DCUN1D1: variants seen among roughly 807,000 people sequenced by gnomAD.
DCUN1D1 encodes defective in cullin neddylation 1 domain containing 1.
DCUN1D1 carries 3 observed loss-of-function variants against 39.0 expected under a neutral mutation model. The observed-to-expected ratio is 0.08, with a 90% CI of 0.04 to 0.20. The LOEUF (loss-of-function observed/expected upper bound fraction) is 0.20, where lower values mean the gene tolerates loss of function less well. Among genes scored for constraint, DCUN1D1 ranks in the 10% least tolerant of loss-of-function variants. DCUN1D1 has a pLI of 1.00. For synonymous variants in DCUN1D1, 82 were observed against 96.3 expected, an observed-to-expected ratio of 0.85 and a Z score of 0.87; for missense variants, 158 against 302.4, an observed-to-expected ratio of 0.52 and a Z score of 3.54.
Position 182,945,023 on chromosome 3 carries a change from G to T in DCUN1D1, c.*71C>A. 1 of 1,339,568 alleles carries T rather than the reference G, an allele frequency of 7.5e-7. No homozygotes were observed. The highest frequency in any genetic ancestry group is 1.1e-6 in the Non-Finnish European group (1 of 938,964). The allele number at this position is 1,339,568 out of a possible 1,614,324, so 83.0% of individuals were successfully genotyped here. A position where few individuals can be genotyped will look rare whatever the true frequency, so the allele number is the denominator to read the frequency against. ...GATCTTCAGTTCAGTCCAGCCAGCA[G>T]AAATTGACTGTGCAATTTTCTGTTG... On this transcript the variant is annotated 3_prime_UTR_variant, in exon 7 of 7. Coordinates refer to ENST00000292782, the MANE Select transcript of DCUN1D1 (RefSeq NM_020640.4).
At chr3:182,959,503 A>AAG (rs1727267502) in intron 4 of DCUN1D1, among the ~76,000 whole-genome samples, 2 of 143,664 alleles carry the variant, frequency 1.4e-5, no homozygotes, top group African/African-American at 2.7e-5. Context: ...TCAAAAACCA[A>AAG]AAAAAAAAAA....
intron 1 of DCUN1D1, among the ~76,000 whole-genome samples, chr3:182,972,158 C>A (rs1468296464): frequency 6.8e-6 from 1 of 147,110 alleles, no homozygotes; most frequent in East Asian, 2.0e-4. Flanking sequence ...ATTTATAGTC[C>A]TGTCAGTCTA....
chr3:182,952,328 C>T (rs1244049172), intron 4 of DCUN1D1, among the ~76,000 whole-genome samples: 1 of 152,188 alleles, frequency 6.6e-6, no homozygotes, highest in Non-Finnish European at 1.5e-5. Context: ...TGTTTTGTAA[C>T]AACGTGTGTC....
intron 1 of DCUN1D1, among the ~76,000 whole-genome samples, chr3:182,973,003 T>C (rs183947024): frequency 6.6e-5 from 10 of 152,020 alleles, no homozygotes; most frequent in East Asian, 3.9e-4. Flanking sequence ...GATCACACCA[T>C]TGCGCTCCAA....
At chr3:182,956,864 G>A (rs79826907) in intron 4 of DCUN1D1, among the ~76,000 whole-genome samples, 4 of 152,064 alleles carry the variant, frequency 2.6e-5, no homozygotes, top group East Asian at 1.9e-4. Flanking sequence ...ACAGACCCAC[G>A]GTGTTCTATA....
chr3:182,972,195 T>C (rs1015034087), intron 1 of DCUN1D1, among the ~76,000 whole-genome samples: 2 of 151,510 alleles, frequency 1.3e-5, no homozygotes, highest in East Asian at 1.9e-4. Flanking sequence ...CTATAATCTA[T>C]AGTTTTAAAT....
chr3:182,966,854 C>A (rs1308292002), intron 1 of DCUN1D1, among the ~76,000 whole-genome samples: 1 of 152,198 alleles, frequency 6.6e-6, no homozygotes, highest in Non-Finnish European at 1.5e-5. Flanking sequence ...CGCCTGTAAT[C>A]CCAGCACCTT....
intron 6 of DCUN1D1, among the ~76,000 whole-genome samples, chr3:182,946,788 T>C (rs960718323): frequency 2.0e-5 from 3 of 152,062 alleles, no homozygotes. Context: ...TTGGTAAATG[T>C]ATGAAGGTAT....
At chr3:182,955,165 C>T (rs990992228) in intron 4 of DCUN1D1, among the ~76,000 whole-genome samples, 5 of 151,948 alleles carry the variant, frequency 3.3e-5, no homozygotes, top group Admixed American at 6.6e-5. Flanking sequence ...CTCAGCCTTC[C>T]GAGTAGCTAG....
intron 1 of DCUN1D1, among the ~76,000 whole-genome samples, chr3:182,969,284 T>C (rs1727820833): frequency 1.3e-5 from 2 of 152,220 alleles, no homozygotes; most frequent in African/African-American, 4.8e-5. Flanking sequence ...CCCATCCCCT[T>C]TTCCTAAGCC....
chr3:182,960,240 C>T (rs766460114), intron 4 of DCUN1D1, among the ~76,000 whole-genome samples: 4 of 151,854 alleles, frequency 2.6e-5, no homozygotes, highest in Non-Finnish European at 5.9e-5. Context: ...TTCATTGGGT[C>T]CCCATTTCCC....
intron 1 of DCUN1D1, among the ~76,000 whole-genome samples, chr3:182,979,048 A>T (rs960096294): frequency 6.6e-6 from 1 of 152,238 alleles, no homozygotes; most frequent in Non-Finnish European, 1.5e-5. Flanking sequence ...AAATGCTAAG[A>T]GTCTGGAAAC....
chr3:182,978,055 AAC>A (rs1728332369), intron 1 of DCUN1D1, among the ~76,000 whole-genome samples: 1 of 112,828 alleles, frequency 8.9e-6, no homozygotes, highest in African/African-American at 2.8e-5. Flanking sequence ...AAAAAAAAAC[AAC>A]AACAACAAAA....
chr3:182,943,820 T>C lies in DCUN1D1; in HGVS notation c.*1274A>G, dbSNP rs1362978966. Reference sequence around the variant, plus strand: ...TGTAATGAAAAAAATACATACAAGATAGCATTCTGCTTTGATGAGAAAACT... The same window carrying C: ...TGTAATGAAAAAAATACATACAAGACAGCATTCTGCTTTGATGAGAAAACT... On this transcript the variant is annotated 3_prime_UTR_variant, in exon 7 of 7. Coordinates refer to ENST00000292782, the MANE Select transcript of DCUN1D1 (RefSeq NM_020640.4). 2 of 152,568 alleles carry C rather than the reference T, an allele frequency of 1.3e-5. No homozygotes were observed. The highest frequency in any genetic ancestry group is 4.8e-5 in the African/African-American group (2 of 41,438). The allele number at this position is 152,568 out of a possible 1,614,324, so 9.5% of individuals were successfully genotyped here. A position where few individuals can be genotyped will look rare whatever the true frequency, so the allele number is the denominator to read the frequency against.
chr3:182,956,552 T>C (rs1054402949), intron 4 of DCUN1D1, among the ~76,000 whole-genome samples: 1 of 152,242 alleles, frequency 6.6e-6, no homozygotes, highest in Non-Finnish European at 1.5e-5. Flanking sequence ...GAAGATAATA[T>C]GCTTTTACTT....
intron 6 of DCUN1D1, among the ~76,000 whole-genome samples, chr3:182,945,958 A>G (rs1178741088): frequency 6.6e-6 from 1 of 152,194 alleles, no homozygotes; most frequent in Non-Finnish European, 1.5e-5. Flanking sequence ...AAGAAAAGAA[A>G]TAACATCATC....
chr3:182,972,413 T>C (rs1023411554), intron 1 of DCUN1D1, among the ~76,000 whole-genome samples: 2 of 152,196 alleles, frequency 1.3e-5, no homozygotes, highest in African/African-American at 2.4e-5. Context: ...TAATTGCTTA[T>C]GGATAACGAT....
intron 4 of DCUN1D1, among the ~76,000 whole-genome samples, chr3:182,958,142 T>C (rs771549561): frequency 9.9e-5 from 15 of 152,036 alleles, no homozygotes; most frequent in Non-Finnish European, 1.5e-4. Context: ...AGAAAGGCTG[T>C]TATAAAAAAC....
At chr3:182,984,140 C>T (rs75508223), upstream of DCUN1D1, among the ~76,000 whole-genome samples, 4,182 of 152,258 alleles carry the variant, frequency 0.027, 209 homozygotes, top group African/African-American at 0.096. Flanking sequence ...TGTCTTAAGA[C>T]AGTGCCTATA....
Sources: allele counts gnomAD v4.1 joint callset (sites outside exome capture counted in the v4.1 genomes callset), GRCh38; gene constraint gnomAD v4.1.1; transcripts MANE v1.5; gene names NCBI Gene and HGNC (gene_info 2026-07-23, HGNC 2026-07-21).